Variants in OR4M1 observed in about 807,000 individuals in gnomAD.
OR4M1 encodes the protein olfactory receptor 4M1.
OR4M1 carries 7 observed loss-of-function variants against 9.8 expected under a neutral mutation model. That is an observed-to-expected ratio of 0.71 (90% CI 0.41 to 1.34). The LOEUF is 1.34. Ranked by LOEUF, OR4M1 falls within the 40% of genes most tolerant of loss-of-function variation. OR4M1 has a pLI of 0.01. For synonymous variants in OR4M1, 121 were observed against 139.8 expected (o/e 0.87, Z 0.95); for missense variants, 331 against 380.4 (o/e 0.87, Z 1.08).
intron 1 of OR4M1, among the ~76,000 whole-genome samples, chr14:19,774,345 A>T (rs772245663): frequency 6.6e-6 from 1 of 152,244 alleles, no homozygotes; most frequent in Non-Finnish European, 1.5e-5. Context: ...TGATTTATTT[A>T]TTCAATAAAA....
intron 1 of OR4M1, 131 bp downstream of exon 1, chr14:19,773,724 G>A (rs1878232725): frequency 6.6e-6 from 1 of 152,492 alleles, no homozygotes; most frequent in Admixed American, 6.5e-5. Flanking sequence ...CAGCATGTAA[G>A]GAAATGTCTT....
chr14:19,774,241 C>A (rs1165082254), intron 1 of OR4M1, among the ~76,000 whole-genome samples: 3 of 152,126 alleles, frequency 2.0e-5, no homozygotes, highest in African/African-American at 7.2e-5. Context: ...TTCCAAAAAG[C>A]AAAATTAGGA....
chr14:19,774,139 A>C lies in OR4M1; in HGVS notation c.-30+546A>C, dbSNP rs1318060017. Among the ~76,000 whole-genome samples the C allele has an allele frequency of 2.0e-5, 3 of 152,260 alleles. No homozygotes were observed. The East Asian group carries it at 5.8e-4, about 29-fold the overall frequency. Reference sequence around the variant, plus strand: ...AGTGTTAGTAGTAGTAAAAGCTTTGAAAATAAATAGAAAAGCAAAAAAGAA... The same window carrying C: ...AGTGTTAGTAGTAGTAAAAGCTTTGCAAATAAATAGAAAAGCAAAAAAGAA... On this transcript the variant is annotated intron_variant, in intron 1 of 1. Coordinates refer to ENST00000641200, the MANE Select transcript of OR4M1 (RefSeq NM_001005500.2).
intron 1 of OR4M1, among the ~76,000 whole-genome samples, chr14:19,778,594 T>C (rs1322248710): frequency 2.0e-5 from 3 of 152,244 alleles, no homozygotes; most frequent in Non-Finnish European, 2.9e-5. Flanking sequence ...AGAAATTTAT[T>C]TGATTGTTGG....
intron 1 of OR4M1, among the ~76,000 whole-genome samples, chr14:19,779,967 A>G (rs1352804926): frequency 1.3e-5 from 2 of 152,264 alleles, no homozygotes; most frequent in Non-Finnish European, 2.9e-5. Flanking sequence ...CTACACTCAG[A>G]AGTAGCTTCA....
At position 19,780,641 on chromosome 14, in the gene OR4M1, G is replaced by A. The variant is rs1268591062; in HGVS notation, c.319G>A (p.Val107Ile). 2.5e-6 allele frequency: 4 copies of A among 1,614,204 alleles called. No homozygotes were observed. Among genetic ancestry groups the A allele is most frequent in the Non-Finnish European group, 3.4e-6 (4 of 1,180,030 alleles). Residue 107 changes from valine to isoleucine, a missense_variant, in exon 2 of 2, where the codon GTT becomes ATT. Physicochemically the swap from Val to Ile is conservative, Grantham distance 29 (BLOSUM62 3). This residue lies in a region of OR4M1 where 209 missense variants were observed against 200.0 expected (regional missense o/e 1.04). Transcript: ENST00000641200. The stretch of plus-strand genomic sequence containing the variant: ...TGCACAGCTCTTCTTCTTACACTTT[G>A]TTGGGGCTTCGGAGATGTTCTTGCT... ...CIAQLFFLHF[V>I]GASEMFLLTV...
In OR4M1 at chr14:19,781,166, C is replaced by G. The variant is rs1878485555; in HGVS notation, c.844C>G (p.Pro282Ala). The G allele has an allele frequency of 2.5e-6, 4 of 1,614,148 alleles. No homozygotes were observed. Among genetic ancestry groups the G allele is most frequent in the Non-Finnish European group, 3.4e-6 (4 of 1,180,024 alleles). ...GTCTGTGTTTCATACTGTAATATTC[C>G]CTTTACTTAATCCCATTATTTACAC... ...VVSVFHTVIF[P>A]LLNPIIYTLR... The change falls in exon 2 of 2, where the codon CCT (proline) becomes GCT (alanine). Residue 282 changes from proline to alanine, a missense_variant. Pro to Ala is a conservative substitution (Grantham distance 27). Transcript: ENST00000641200.
At chr14:19,774,091 A>G (rs1288076634) in intron 1 of OR4M1, among the ~76,000 whole-genome samples, 1 of 152,268 alleles carries the variant, frequency 6.6e-6, no homozygotes, top group Non-Finnish European at 1.5e-5. Flanking sequence ...GTGAGGCTTG[A>G]AATATTTCAT....
At position 19,780,669 on chromosome 14, in the gene OR4M1, C is replaced by G. The variant is rs2635535; in HGVS notation, c.347C>G (p.Thr116Arg). 1.2e-6 allele frequency: 2 copies of G among 1,613,706 alleles called. No individual in the cohort carries two copies. Among genetic ancestry groups the G allele is most frequent in the East Asian group, 2.2e-5 (1 of 44,882 alleles). ...FVGASEMFLLTVMAYDRYAAI... is the reference protein window; with the variant it reads ...FVGASEMFLLRVMAYDRYAAI... ...GGGGCTTCGGAGATGTTCTTGCTCACAGTGATGGCCTATGACCGCTATGCT... is the reference window on the plus strand; with the variant it reads ...GGGGCTTCGGAGATGTTCTTGCTCAGAGTGATGGCCTATGACCGCTATGCT... The change falls in exon 2 of 2, where the codon ACA becomes AGA. Residue 116 changes from threonine (T) to arginine (R), a missense_variant. Thr to Arg is a moderately conservative substitution (Grantham distance 71). Around this residue, in one of 2 missense-constraint regions of OR4M1, gnomAD observed 209 missense variants for 200.0 expected, o/e 1.04. Coordinates refer to ENST00000641200, the MANE Select transcript of OR4M1 (RefSeq NM_001005500.2).
intron 1 of OR4M1, among the ~76,000 whole-genome samples, chr14:19,775,691 A>G (rs1394371608): frequency 6.8e-6 from 1 of 147,252 alleles, no homozygotes; most frequent in African/African-American, 2.5e-5. Context: ...TATTAAATAT[A>G]TATTAGTTGT....
Position 19,780,711 on chromosome 14 carries a change from T to G in OR4M1, c.389T>G (p.Leu130Arg). Residue 130 changes from leucine to arginine, a missense_variant, in exon 2 of 2, where the codon CTC (leucine) becomes CGC (arginine). Coordinates refer to ENST00000641200, the MANE Select transcript of OR4M1 (RefSeq NM_001005500.2). ...YDRYAAICRPLHYATIMNRRL... is the reference protein window; with the variant it reads ...YDRYAAICRPRHYATIMNRRL... ...CGCTATGCTGCTATCTGCCGACCCC[T>G]CCACTATGCTACCATCATGAATCGA... is the stretch of plus-strand genomic sequence containing the variant. 6.2e-7 allele frequency: 1 copy of G among 1,614,244 alleles called. No homozygotes were observed. The highest frequency in any genetic ancestry group is 1.7e-5 in the Admixed American group (1 of 60,034).
At position 19,777,050 on chromosome 14, in the gene OR4M1, T is replaced by TATATATATATATA. The variant is rs57131693; in HGVS notation, c.-29-3244_-29-3243insATATATATATATA. On this transcript the variant is annotated intron_variant, in intron 1 of 1. Transcript: ENST00000641200. Reference sequence around the variant, plus strand: ...TATATATATATATATATATATATATTGTTTGTTTGTTTTTCCTGTAATGTT... The same window carrying TATATATATATATA: ...TATATATATATATATATATATATATTATATATATATATAGTTTGTTTGTTTTTCCTGTAATGTT... Among the ~76,000 whole-genome samples, 93 of 75,078 alleles carry TATATATATATATA rather than the reference T, an allele frequency of 1.2e-3. 4 individuals carry two copies. Among genetic ancestry groups the TATATATATATATA allele is most frequent in the East Asian group, 2.6e-3 (7 of 2,732 alleles). The allele number at this position is 75,078 out of a possible 152,430, so 49.3% of individuals were successfully genotyped here.
At position 19,783,201 on chromosome 14, in the gene OR4M1, C is replaced by G. The variant is rs1433033856; in HGVS notation, c.*1937C>G. On this transcript the variant is annotated 3_prime_UTR_variant, in exon 2 of 2. Coordinates refer to ENST00000641200, the MANE Select transcript of OR4M1 (RefSeq NM_001005500.2). The stretch of plus-strand genomic sequence containing the variant: ...GAAAAAGGGGAACTTTTGGCAAACT[C>G]TAGTAAGTAATAACTGAGCCTGATT... 6.6e-6 allele frequency: 1 copy of G among 152,260 alleles called. No homozygotes were observed. The highest frequency in any genetic ancestry group is 1.9e-4 in the East Asian group (1 of 5,206). 9.4% of individuals were successfully genotyped at this position (152,260 alleles called of 1,614,324 possible). A position where few individuals can be genotyped will look rare whatever the true frequency, so the allele number is the denominator to read the frequency against.
At chr14:19,775,393 C>G (rs1275592588) in intron 1 of OR4M1, among the ~76,000 whole-genome samples, 1 of 152,026 alleles carries the variant, frequency 6.6e-6, no homozygotes, top group Non-Finnish European at 1.5e-5. Context: ...TATTTCCCAG[C>G]CTGTCATAAT....
Position 19,780,652 on chromosome 14 carries a change from G to A in OR4M1, c.330G>A (p.Ser110=), listed in dbSNP as rs753964312. 7.5e-5 allele frequency: 121 copies of A among 1,614,080 alleles called. No homozygotes were observed. Among genetic ancestry groups the A allele is most frequent in the East Asian group, 3.3e-4 (15 of 44,904 alleles). The part of the protein sequence containing the change: ...QLFFLHFVGA[S]EMFLLTVMAY... ...TCTTCTTACACTTTGTTGGGGCTTCGGAGATGTTCTTGCTCACAGTGATGG... is the reference window on the plus strand; with the variant it reads ...TCTTCTTACACTTTGTTGGGGCTTCAGAGATGTTCTTGCTCACAGTGATGG... Residue 110 remains serine (S), a synonymous_variant, in exon 2 of 2, where the codon TCG becomes TCA. Transcript: ENST00000641200.
Position 19,777,962 on chromosome 14 carries a change from A to G in OR4M1, c.-29-2332A>G, listed in dbSNP as rs1453484357. On this transcript the variant is annotated intron_variant, in intron 1 of 1. Transcript: ENST00000641200. ...AGGGAGTTTGATTGGCTGCCTGACT[A>G]TTGGATTAAGATGCTCCAGCAAAAT... is the stretch of plus-strand genomic sequence containing the variant. 2.0e-5 allele frequency among the ~76,000 whole-genome samples: 3 copies of G among 152,222 alleles called. No individual in the cohort carries two copies. In the East Asian group the frequency reaches 5.8e-4, roughly 29 times the overall value.
chr14:19,775,285 A>G (rs1185225684), intron 1 of OR4M1, among the ~76,000 whole-genome samples: 1 of 152,186 alleles, frequency 6.6e-6, no homozygotes, highest in Admixed American at 6.6e-5. Context: ...GACTCCTCCT[A>G]TAGCTTATTG....
At position 19,780,735 on chromosome 14, in the gene OR4M1, G is replaced by A. The variant is rs373032779; in HGVS notation, c.413G>A (p.Arg138Gln). The part of the protein sequence containing the change: ...RPLHYATIMN[R>Q]RLCCILVALS... ...CTCCACTATGCTACCATCATGAATC[G>A]ACGTCTCTGCTGTATCCTGGTGGCT... The change falls in exon 2 of 2, where the codon CGA becomes CAA. Residue 138 changes from arginine (R) to glutamine (Q), a missense_variant. Transcript: ENST00000641200. 72 of 1,614,050 alleles carry A rather than the reference G, an allele frequency of 4.5e-5. No homozygotes were observed. In the East Asian group the frequency reaches 8.5e-4, roughly 19 times the overall value.
At chr14:19,775,732 A>T (rs1878292283) in intron 1 of OR4M1, among the ~76,000 whole-genome samples, 1 of 147,484 alleles carries the variant, frequency 6.8e-6, no homozygotes, top group Admixed American at 6.8e-5. Flanking sequence ...CTTTAATAAT[A>T]TATTAATGTA....
Sources: allele counts gnomAD v4.1 joint callset (sites outside exome capture counted in the v4.1 genomes callset), GRCh38; gene constraint gnomAD v4.1.1; regional missense constraint gnomAD v4.1.1; transcripts MANE v1.5; gene names NCBI Gene and HGNC (gene_info 2026-07-23, HGNC 2026-07-21).